Variants in TMCO1 observed in about 807,000 individuals in gnomAD.
TMCO1 encodes calcium load-activated calcium channel.
A neutral mutation model predicts 29.3 loss-of-function variants in TMCO1; 29 were observed. That is an observed-to-expected ratio of 0.99 (90% CI 0.74 to 1.35). TMCO1 has a LOEUF of 1.35. TMCO1 is among the 40% of genes most tolerant of loss of function. The pLI, the probability that TMCO1 is intolerant of heterozygous loss-of-function variation, is 0.00. For synonymous variants in TMCO1, 80 were observed against 77.1 expected, an observed-to-expected ratio of 1.04 and a Z score of -0.20; for missense variants, 173 against 225.5, an observed-to-expected ratio of 0.77 and a Z score of 1.49.
chr1:165,728,359 T>C (rs1650989094), intron 6 of TMCO1, among the ~76,000 whole-genome samples: 1 of 151,626 alleles, frequency 6.6e-6, no homozygotes, highest in Non-Finnish European at 1.5e-5. Flanking sequence ...CAGGTTCACG[T>C]CATTCTCCTG....
chr1:165,726,115 G>A, downstream of TMCO1: 1 of 696,318 alleles, frequency 1.4e-6, no homozygotes, highest in Non-Finnish European at 2.6e-6. Flanking sequence ...TTTTATTTTA[G>A]CCATTTCATA....
chr1:165,750,222 T>C (rs976844326), intron 5 of TMCO1, among the ~76,000 whole-genome samples: 1 of 152,136 alleles, frequency 6.6e-6, no homozygotes, highest in Non-Finnish European at 1.5e-5. Context: ...TTCTTTATGA[T>C]GATTAATAAA....
At chr1:165,752,072 T>C in intron 5 of TMCO1, 30 bp downstream of exon 5, 1 of 1,528,916 alleles carries the variant, frequency 6.5e-7, no homozygotes, top group Non-Finnish European at 9.1e-7. Context: ...GTAATAGTTA[T>C]TAGTCAAAAG....
At chr1:165,736,923 C>A (rs541096899) in intron 6 of TMCO1, among the ~76,000 whole-genome samples, 80 of 152,158 alleles carry the variant, frequency 5.3e-4, no homozygotes, top group Non-Finnish European at 8.1e-4. Context: ...CACTTAAGTC[C>A]CCATAACCCA....
chr1:165,758,549 T>G (rs1265375075), intron 3 of TMCO1, among the ~76,000 whole-genome samples: 1 of 151,554 alleles, frequency 6.6e-6, no homozygotes, highest in African/African-American at 2.4e-5. Context: ...AGAGTGAAAC[T>G]CTGTCTCAAA....
In TMCO1 at chr1:165,752,182, G is replaced by A. The variant is rs560911902; in HGVS notation, c.256-13C>T. ...ATTTCATTCGAACCTGTAATGAGAC[G>A]AACAAATTGTCATTTTACACTAAAA... On this transcript the variant is annotated splice_polypyrimidine_tract_variant and intron_variant, in intron 4 of 6. Coordinates refer to ENST00000367881, the MANE Select transcript of TMCO1 (RefSeq NM_019026.6). The A allele has an allele frequency of 3.2e-5, 51 of 1,602,886 alleles. No individual in the cohort carries two copies. Among genetic ancestry groups the A allele is most frequent in the South Asian group, 1.4e-4 (13 of 90,670 alleles).
intron 5 of TMCO1, among the ~76,000 whole-genome samples, chr1:165,744,075 G>T (rs887238619): frequency 1.2e-4 from 18 of 151,944 alleles, no homozygotes; most frequent in African/African-American, 4.4e-4. Flanking sequence ...GGCCTTGATG[G>T]TCTCGATCTC....
downstream of TMCO1, chr1:165,724,978 TTCTCTCTTTCTCTCTCTC>T (rs750460786): frequency 5.7e-4 from 232 of 409,690 alleles, 1 homozygote; most frequent in African/African-American, 1.9e-3. Context: ...GTGTTCTTTA[TTCTCTCTTTCTCTCTCTC>T]TCTCTCTCTC....
intron 5 of TMCO1, among the ~76,000 whole-genome samples, chr1:165,751,704 C>CA (rs1199676656): frequency 4.6e-4 from 56 of 122,352 alleles, no homozygotes; most frequent in South Asian, 1.3e-3. Flanking sequence ...GACTCCGTCT[C>CA]AAAAAAAAAA....
chr1:165,748,841 C>T (rs1000789652), intron 5 of TMCO1, among the ~76,000 whole-genome samples: 21 of 152,212 alleles, frequency 1.4e-4, no homozygotes, highest in Non-Finnish European at 2.9e-4. Context: ...TGTGCTCTGC[C>T]TAGTCATCCT....
chr1:165,747,070 G>A (rs1465001598), intron 5 of TMCO1, among the ~76,000 whole-genome samples: 1 of 152,006 alleles, frequency 6.6e-6, no homozygotes, highest in Non-Finnish European at 1.5e-5. Flanking sequence ...AGACTAGCCT[G>A]GCCAACATGG....
At chr1:165,768,317 C>G (rs751655084) in intron 1 of TMCO1, 48 bp from the exon 2 acceptor site, 1 of 1,573,098 alleles carries the variant, frequency 6.4e-7, no homozygotes, top group South Asian at 1.1e-5. Context: ...CTGGAATGAT[C>G]ACAACAAACA....
intron 3 of TMCO1, among the ~76,000 whole-genome samples, chr1:165,758,279 C>T (rs1312308675): frequency 6.6e-6 from 1 of 151,836 alleles, no homozygotes; most frequent in Admixed American, 6.6e-5. Flanking sequence ...GACTCTTGGC[C>T]GGCATAGTGG....
At chr1:165,735,666 C>A (rs1419187953) in intron 6 of TMCO1, among the ~76,000 whole-genome samples, 1 of 152,082 alleles carries the variant, frequency 6.6e-6, no homozygotes, top group Non-Finnish European at 1.5e-5. Flanking sequence ...AGACATGCAC[C>A]ACCATGCCTG....
At chr1:165,768,141 C>T (rs1558045219) in intron 2 of TMCO1, 51 bp downstream of exon 2, 1 of 1,419,114 alleles carries the variant, frequency 7.0e-7, no homozygotes. Flanking sequence ...TGAACATGGA[C>T]TTAATGAGCT....
chr1:165,742,694 C>T (rs905384759), intron 6 of TMCO1, among the ~76,000 whole-genome samples: 1 of 152,298 alleles, frequency 6.6e-6, no homozygotes, highest in South Asian at 2.1e-4. Flanking sequence ...CCTTAGTTCT[C>T]ACTCTTTTTC....
At chr1:165,754,547 G>T (rs531274695) in intron 3 of TMCO1, among the ~76,000 whole-genome samples, 1 of 152,166 alleles carries the variant, frequency 6.6e-6, no homozygotes, top group African/African-American at 2.4e-5. Flanking sequence ...TAATATATAT[G>T]CTTATGTTAC....
intron 4 of TMCO1, 127 bp downstream of exon 4, chr1:165,754,101 T>G: frequency 1.3e-6 from 1 of 767,032 alleles, no homozygotes; most frequent in Non-Finnish European, 2.3e-6. Flanking sequence ...GGAACACCCA[T>G]GATATTATTT....
intron 6 of TMCO1, among the ~76,000 whole-genome samples, chr1:165,741,640 G>A (rs1340848497): frequency 1.3e-5 from 2 of 152,208 alleles, no homozygotes; most frequent in African/African-American, 2.4e-5. Context: ...AGATCTTGGT[G>A]AGCCATGAAC....
Sources: allele counts gnomAD v4.1 joint callset (sites outside exome capture counted in the v4.1 genomes callset), GRCh38; gene constraint gnomAD v4.1.1; transcripts MANE v1.5; gene names NCBI Gene and HGNC (gene_info 2026-07-23, HGNC 2026-07-21).